RPH3A: variants seen among roughly 807,000 people sequenced by gnomAD.
RPH3A encodes the protein rabphilin 3A, also known as rabphilin-3A.
Under a neutral mutation model 102.2 loss-of-function variants are expected in RPH3A, and 48 were observed. The observed-to-expected ratio is 0.47, with a 90% CI of 0.37 to 0.60. The LOEUF (loss-of-function observed/expected upper bound fraction) is 0.60, where lower values mean the gene tolerates loss of function less well. Ranked by LOEUF, RPH3A falls within the 20% of genes least tolerant of loss-of-function variation. RPH3A has a pLI of 0.00. For synonymous variants in RPH3A, 310 were observed against 324.3 expected, an observed-to-expected ratio of 0.96 and a Z score of 0.47; for missense variants, 781 against 910.1, an observed-to-expected ratio of 0.86 and a Z score of 1.83.
At chr12:112,675,854 T>G (rs1232365466) in intron 1 of RPH3A, among the ~76,000 whole-genome samples, 1 of 152,146 alleles carries the variant, frequency 6.6e-6, no homozygotes, top group African/African-American at 2.4e-5. Flanking sequence ...GACACTGAGT[T>G]TTTAAGACAG....
intron 1 of RPH3A, among the ~76,000 whole-genome samples, chr12:112,698,922 C>T (rs561941814): frequency 2.0e-5 from 3 of 149,340 alleles, no homozygotes; most frequent in South Asian, 2.2e-4. Context: ...CTCCTCCCCC[C>T]GCCCTTCTCC....
intron 4 of RPH3A, among the ~76,000 whole-genome samples, chr12:112,844,604 A>T (rs1263794341): frequency 2.0e-5 from 3 of 152,184 alleles, no homozygotes; most frequent in Non-Finnish European, 4.4e-5. Context: ...GAGAAAACAA[A>T]TGTGTGTTAG....
chr12:112,683,621 T>C (rs2040241749), intron 1 of RPH3A, among the ~76,000 whole-genome samples: 1 of 152,164 alleles, frequency 6.6e-6, no homozygotes, highest in African/African-American at 2.4e-5. Flanking sequence ...CTCCATCCTC[T>C]TGGGTACCCT....
intron 5 of RPH3A, among the ~76,000 whole-genome samples, chr12:112,849,245 A>G (rs1257346803): frequency 6.6e-6 from 1 of 152,178 alleles, no homozygotes; most frequent in Non-Finnish European, 1.5e-5. Flanking sequence ...ACAAGTGACA[A>G]ACATCTGCCA....
At chr12:112,653,706 G>T (rs1195288754) in intron 1 of RPH3A, among the ~76,000 whole-genome samples, 1 of 152,088 alleles carries the variant, frequency 6.6e-6, no homozygotes, top group Non-Finnish European at 1.5e-5. Flanking sequence ...TGTCATGGGG[G>T]TTTGTTGTAT....
At chr12:112,872,399 T>A (rs1055805726) in intron 10 of RPH3A, among the ~76,000 whole-genome samples, 2 of 152,138 alleles carry the variant, frequency 1.3e-5, no homozygotes, top group African/African-American at 4.8e-5. Flanking sequence ...AACTGGATAG[T>A]TTGTCTTTTG....
chr12:112,849,408 A>AGTGTGTGT (rs35635799), intron 5 of RPH3A, among the ~76,000 whole-genome samples: 6 of 146,722 alleles, frequency 4.1e-5, no homozygotes, highest in African/African-American at 1.0e-4. Context: ...CCAGACTGGC[A>AGTGTGTGT]GTGTGTGTGT....
At chr12:112,829,514 C>T (rs1168522075) in intron 3 of RPH3A, among the ~76,000 whole-genome samples, 1 of 152,168 alleles carries the variant, frequency 6.6e-6, no homozygotes, top group Non-Finnish European at 1.5e-5. Context: ...TCAAGTGATC[C>T]TCCTGCCTTG....
At chr12:112,646,141 G>A (rs2039928276) in intron 1 of RPH3A, among the ~76,000 whole-genome samples, 2 of 152,076 alleles carry the variant, frequency 1.3e-5, no homozygotes, top group Non-Finnish European at 1.5e-5. Flanking sequence ...AGCTATTTGT[G>A]TGCACCAGGA....
chr12:112,721,843 C>CT (rs2040553485), intron 1 of RPH3A, among the ~76,000 whole-genome samples: 1 of 152,074 alleles, frequency 6.6e-6, no homozygotes, highest in Non-Finnish European at 1.5e-5. Context: ...GCAAGTGGAG[C>CT]TTTTAATACT....
At chr12:112,769,556 C>T (rs1398634073) in intron 1 of RPH3A, among the ~76,000 whole-genome samples, 1 of 152,228 alleles carries the variant, frequency 6.6e-6, no homozygotes, top group African/African-American at 2.4e-5. Flanking sequence ...ACATTTATCT[C>T]CTCATTGGTG....
chr12:112,755,556 T>C (rs1164466044), intron 1 of RPH3A, among the ~76,000 whole-genome samples: 1 of 152,158 alleles, frequency 6.6e-6, no homozygotes, highest in Non-Finnish European at 1.5e-5. Context: ...AGTCTTGAAA[T>C]GTTTTTGTGT....
At chr12:112,819,144 C>T (rs1212483657) in intron 2 of RPH3A, among the ~76,000 whole-genome samples, 4 of 152,018 alleles carry the variant, frequency 2.6e-5, no homozygotes, top group Admixed American at 1.3e-4. Context: ...CTCACTCTGT[C>T]ACCCAGGCTG....
At chr12:112,864,538 G>A (rs1215763389) in intron 5 of RPH3A, among the ~76,000 whole-genome samples, 4 of 151,994 alleles carry the variant, frequency 2.6e-5, no homozygotes, top group Admixed American at 6.5e-5. Context: ...GAGATCACAA[G>A]TGTGTGTGTT....
intron 1 of RPH3A, among the ~76,000 whole-genome samples, chr12:112,784,215 T>G (rs1756371323): frequency 6.6e-6 from 1 of 152,216 alleles, no homozygotes; most frequent in Non-Finnish European, 1.5e-5. Flanking sequence ...TTACTGGTCA[T>G]AAAGACATCT....
intron 1 of RPH3A, among the ~76,000 whole-genome samples, chr12:112,766,468 T>A (rs1281658350): frequency 6.6e-6 from 1 of 151,858 alleles, no homozygotes; most frequent in African/African-American, 2.4e-5. Context: ...AATTATTGAT[T>A]AAGGAGTGTT....
intron 1 of RPH3A, among the ~76,000 whole-genome samples, chr12:112,599,488 C>T (rs2039542672): frequency 1.3e-5 from 2 of 152,280 alleles, no homozygotes; most frequent in African/African-American, 4.8e-5. Context: ...AGAACCTCTA[C>T]TGTCAAGTGT....
intron 1 of RPH3A, among the ~76,000 whole-genome samples, chr12:112,744,189 C>G (rs948153846): frequency 6.6e-6 from 1 of 152,160 alleles, no homozygotes; most frequent in Non-Finnish European, 1.5e-5. Flanking sequence ...AATTCTCATG[C>G]CCCAGCCTCC....
chr12:112,747,395 G>T (rs1450166387), intron 1 of RPH3A, among the ~76,000 whole-genome samples: 1 of 152,182 alleles, frequency 6.6e-6, no homozygotes, highest in Admixed American at 6.5e-5. Context: ...ATCTGCTGGT[G>T]CTTTGATCTT....
Sources: allele counts gnomAD v4.1 joint callset (sites outside exome capture counted in the v4.1 genomes callset), GRCh38; gene constraint gnomAD v4.1.1; transcripts MANE v1.5; gene names NCBI Gene and HGNC (gene_info 2026-07-23, HGNC 2026-07-21).